The following NBDY variants were observed in gnomAD, a reference collection of about 807,000 sequenced individuals.
The protein encoded by NBDY is negative regulator of P-body association, also known as P-body dissociating protein.
At chrX:56,814,045 T>G (rs73626227) in intron 2 of NBDY, among the ~76,000 whole-genome samples, 3,985 of 111,737 alleles carry the variant, frequency 0.036, 163 homozygotes, top group African/African-American at 0.12. Flanking sequence ...GTTTTTTTCT[T>G]TTGTGTTTTT....
At chrX:56,806,742 G>C (rs1406588154) in intron 2 of NBDY, among the ~76,000 whole-genome samples, 1 of 111,754 alleles carries the variant, frequency 8.9e-6, no homozygotes, top group East Asian at 2.8e-4. Context: ...AGATTGCAAA[G>C]AGTTTCTCCC....
chrX:56,809,441 G>C (rs761228752), intron 2 of NBDY, among the ~76,000 whole-genome samples: 4 of 112,150 alleles, frequency 3.6e-5, no homozygotes, highest in Non-Finnish European at 5.6e-5. Context: ...GTGTGCTCCT[G>C]TATTGAGTGC....
intron 2 of NBDY, among the ~76,000 whole-genome samples, chrX:56,786,661 T>G (rs1050351505): frequency 6.4e-5 from 7 of 110,024 alleles, no homozygotes; most frequent in African/African-American, 2.3e-4. Flanking sequence ...CTTCTTCTTC[T>G]TCTTGTGCCT....
At chrX:56,812,489 C>T (rs2069892054) in intron 2 of NBDY, among the ~76,000 whole-genome samples, 1 of 110,261 alleles carries the variant, frequency 9.1e-6, no homozygotes, top group Admixed American at 9.7e-5. Context: ...CTCCCTTGGC[C>T]TTATGTACTA....
chrX:56,796,881 C>T (rs994145467), intron 2 of NBDY, among the ~76,000 whole-genome samples: 1 of 111,575 alleles, frequency 9.0e-6, no homozygotes, highest in Non-Finnish European at 1.9e-5. Flanking sequence ...TTAAGTGGGA[C>T]ATGACCGGTG....
At chrX:56,793,249 G>A (rs1416063874) in intron 2 of NBDY, among the ~76,000 whole-genome samples, 1 of 112,401 alleles carries the variant, frequency 8.9e-6, no homozygotes, top group Non-Finnish European at 1.9e-5. Context: ...TGGGGTGGCA[G>A]CCCTGTGATC....
chrX:56,741,190 AT>A (rs1394442259), intron 2 of NBDY, among the ~76,000 whole-genome samples: 1 of 111,563 alleles, frequency 9.0e-6, no homozygotes, highest in Non-Finnish European at 1.9e-5. Flanking sequence ...TTTATGACTG[AT>A]TAGTACTCCA....
At chrX:56,781,393 C>CA (rs1333455340) in intron 2 of NBDY, among the ~76,000 whole-genome samples, 1 of 111,774 alleles carries the variant, frequency 8.9e-6, no homozygotes, top group Non-Finnish European at 1.9e-5. Context: ...GTGTGGGCAG[C>CA]AGGGAACAGG....
intron 2 of NBDY, among the ~76,000 whole-genome samples, chrX:56,789,722 G>A (rs765462534): frequency 2.2e-4 from 24 of 111,290 alleles, no homozygotes; most frequent in Admixed American, 9.5e-5. Context: ...GGGTTGGAGG[G>A]ATTTTCCAGG....
chrX:56,743,131 ACCATCCTT>A (rs1209239762), intron 2 of NBDY, among the ~76,000 whole-genome samples: 1 of 111,509 alleles, frequency 9.0e-6, no homozygotes, highest in East Asian at 2.8e-4. Flanking sequence ...CCACTGTTGA[ACCATCCTT>A]CCATCCCAGG....
At chrX:56,758,672 G>A (rs1008493035) in intron 2 of NBDY, among the ~76,000 whole-genome samples, 3 of 111,863 alleles carry the variant, frequency 2.7e-5, no homozygotes, top group Non-Finnish European at 5.6e-5. Flanking sequence ...TGGGTAGCCA[G>A]GCCCCCGGCA....
chrX:56,812,793 C>G (rs886592325), intron 2 of NBDY, among the ~76,000 whole-genome samples: 1 of 111,608 alleles, frequency 9.0e-6, no homozygotes, highest in African/African-American at 3.3e-5. Flanking sequence ...TTCTTTTTCT[C>G]CTCTTTCTTT....
chrX:56,763,595 A>C (rs2069649403), intron 2 of NBDY, among the ~76,000 whole-genome samples: 1 of 112,205 alleles, frequency 8.9e-6, no homozygotes, highest in African/African-American at 3.2e-5. Context: ...CTATGATCCT[A>C]GTCCTCCTGT....
intron 2 of NBDY, among the ~76,000 whole-genome samples, chrX:56,753,693 G>A (rs944090150): frequency 3.6e-5 from 4 of 111,487 alleles, no homozygotes; most frequent in African/African-American, 1.3e-4. Flanking sequence ...TGAAACCTAA[G>A]GGAAGAAACT....
At position 56,759,940 on chromosome X, in the gene NBDY, A is replaced by G. The variant is rs1344324294; in HGVS notation, c.*166+27741A>G. On this transcript the variant is annotated intron_variant, in intron 2 of 2. Transcript: ENST00000374922. ...CTTGGCCCCAGCTTGGACCCAGCCA[A>G]TGGCACCTTGGAACTCCCCACAAAG... 3.6e-5 allele frequency among the ~76,000 whole-genome samples: 4 copies of G among 112,153 alleles called. No homozygotes were observed. The Admixed American group carries it at 3.7e-4, about 11-fold the overall frequency.
At chrX:56,731,273 G>A (rs1253754081) in intron 1 of NBDY, among the ~76,000 whole-genome samples, 1 of 109,955 alleles carries the variant, frequency 9.1e-6, no homozygotes, top group Non-Finnish European at 1.9e-5. Flanking sequence ...GAAAACAAAA[G>A]AGCAGCCGGG....
At chrX:56,763,596 GTCC>G (rs2069649450) in intron 2 of NBDY, among the ~76,000 whole-genome samples, 1 of 112,377 alleles carries the variant, frequency 8.9e-6, no homozygotes, top group Non-Finnish European at 1.9e-5. Flanking sequence ...TATGATCCTA[GTCC>G]TCCTGTGGTG....
intron 2 of NBDY, among the ~76,000 whole-genome samples, chrX:56,751,468 A>C (rs1275285519): frequency 1.8e-5 from 2 of 112,272 alleles, no homozygotes; most frequent in African/African-American, 6.5e-5. Flanking sequence ...TTTAAAAAGA[A>C]TTACAATGCA....
intron 2 of NBDY, among the ~76,000 whole-genome samples, chrX:56,795,972 C>T (rs1185600936): frequency 9.0e-6 from 1 of 111,449 alleles, no homozygotes; most frequent in Non-Finnish European, 1.9e-5. Context: ...CATAGGTCCT[C>T]AGGCACATCC....
Sources: allele counts gnomAD v4.1 joint callset (sites outside exome capture counted in the v4.1 genomes callset), GRCh38; gene constraint gnomAD v4.1.1; transcripts MANE v1.5; gene names NCBI Gene and HGNC (gene_info 2026-07-23, HGNC 2026-07-21).